Variants in TM6SF1 observed in about 807,000 individuals in gnomAD.
TM6SF1 encodes transmembrane 6 superfamily member 1.
Under a neutral mutation model 47.1 loss-of-function variants are expected in TM6SF1, and 43 were observed. That is an observed-to-expected ratio of 0.91 (90% CI 0.72 to 1.18). The LOEUF (loss-of-function observed/expected upper bound fraction) is 1.18. Ranked by LOEUF, TM6SF1 falls within the 50% of genes most tolerant of loss-of-function variation. The pLI is 0.00. For missense variants in TM6SF1, 390 were observed against 449.0 expected, an observed-to-expected ratio of 0.87 and a Z score of 1.19; for synonymous variants, 177 against 166.3, an observed-to-expected ratio of 1.06 and a Z score of -0.49.
At chr15:83,131,653 T>A (rs554771098) in intron 9 of TM6SF1, 1 of 150,584 alleles carries the variant, frequency 6.6e-6, no homozygotes, top group African/African-American at 2.4e-5. Flanking sequence ...GAAAAAAGAG[T>A]GAGTAGTTAT....
rs777732938 is a variant in TM6SF1, at chr15:83,127,369, T to C, written c.813T>C (p.Tyr271=). 6.2e-7 allele frequency: 1 copy of C among 1,612,410 alleles called. No individual in the cohort carries two copies. Among genetic ancestry groups the C allele is most frequent in the Non-Finnish European group, 8.5e-7 (1 of 1,179,342 alleles). The change falls in exon 9 of 10, where the codon TAT becomes TAC. Residue 271 remains tyrosine (Y), a synonymous_variant. Coordinates refer to ENST00000322019, the MANE Select transcript of TM6SF1 (RefSeq NM_023003.5). ...TCTGTTCAATACAGATGCTGGCATATATGTTCTATTCTGTTCCTTACTTTG... is the reference window on the plus strand; with the variant it reads ...TCTGTTCAATACAGATGCTGGCATACATGTTCTATTCTGTTCCTTACTTTG... ...AAYPKIQMLA[Y]MFYSVPYFVT...
intron 9 of TM6SF1, chr15:83,128,573 A>G (rs1040865311): frequency 2.0e-5 from 3 of 152,206 alleles, no homozygotes; most frequent in African/African-American, 7.2e-5. Flanking sequence ...CTATAAGCTG[A>G]TAACTTCCAG....
In TM6SF1 at chr15:83,116,802, G is replaced by A. The variant is rs79662836; in HGVS notation, c.294+860G>A. On this transcript the variant is annotated intron_variant, in intron 3 of 9. Transcript: ENST00000322019. ...AGTGGCTGGAATGAATAAGACTTGG[G>A]GACAAATTGGGAGTGATGGGAAGGA... 4.6e-5 allele frequency among the ~76,000 whole-genome samples: 7 copies of A among 152,294 alleles called. No individual in the cohort carries two copies. The East Asian group carries it at 1.4e-3, about 29-fold the overall frequency.
chr15:83,112,684 A>G, intron 1 of TM6SF1, 113 bp from the exon 2 acceptor site: 1 of 792,156 alleles, frequency 1.3e-6, no homozygotes, highest in Non-Finnish European at 2.2e-6. Context: ...GCAGAGGCAG[A>G]ATTATGGATG....
intron 3 of TM6SF1, among the ~76,000 whole-genome samples, chr15:83,118,839 A>C (rs1388065874): frequency 6.6e-6 from 1 of 152,222 alleles, no homozygotes; most frequent in Non-Finnish European, 1.5e-5. Context: ...GCCACCTGGA[A>C]ATGTAACCAC....
Position 83,136,534 on chromosome 15 carries a change from C to G in TM6SF1, c.975C>G (p.Tyr325Ter). The G allele has an allele frequency of 6.2e-7, 1 of 1,613,342 alleles. No homozygotes were observed. Among genetic ancestry groups the G allele is most frequent in the Non-Finnish European group, 8.5e-7 (1 of 1,179,774 alleles). Reference protein sequence around the residue: ...ASLHARTAYVYRVPEEAKILF... With the variant: ...ASLHARTAYV ...TTCATGCTAGAACTGCTTATGTCTA[C>G]AGAGTCCCTGAAGAAGCAAAAATCC... Residue 325 changes from tyrosine (Y) to a stop codon, truncating the protein, a stop_gained, in exon 10 of 10, where the codon TAC (tyrosine) becomes TAG (stop). Transcript: ENST00000322019. LOFTEE classifies it high-confidence loss of function.
intron 2 of TM6SF1, 199 bp downstream of exon 2, chr15:83,113,099 T>G (rs1436287172): frequency 5.1e-6 from 3 of 591,608 alleles, no homozygotes; most frequent in Non-Finnish European, 9.0e-6. Context: ...CTCTCCCAGG[T>G]GGCATCCCGG....
At position 83,136,817 on chromosome 15, in the gene TM6SF1, G is replaced by A; in HGVS notation, c.*145G>A. 2 of 546,896 alleles carry A rather than the reference G, an allele frequency of 3.7e-6. No individual in the cohort carries two copies. Among genetic ancestry groups the A allele is most frequent in the Non-Finnish European group, 5.8e-6 (2 of 344,212 alleles). The allele number at this position is 546,896 out of a possible 1,614,324, so 33.9% of individuals were successfully genotyped here. ...TCTGCACTGTATGTGTGAGCTATAT[G>A]GTATTGTGTAAATTTTTTTTGAAGG... On this transcript the variant is annotated 3_prime_UTR_variant, in exon 10 of 10. Transcript: ENST00000322019.
At chr15:83,116,023 T>C in intron 3 of TM6SF1, 81 bp downstream of exon 3, 1 of 1,110,224 alleles carries the variant, frequency 9.0e-7, no homozygotes, top group Non-Finnish European at 1.4e-6. Flanking sequence ...AGAAATCCTC[T>C]CATTTAGTGT....
intron 9 of TM6SF1, 33 bp from the exon 10 acceptor site, chr15:83,136,448 G>A: frequency 5.2e-6 from 8 of 1,539,376 alleles, no homozygotes; most frequent in Non-Finnish European, 7.0e-6. Flanking sequence ...CACGTTTCAT[G>A]CTTACTCAAT....
Position 83,136,800 on chromosome 15 carries a change from GTA to G in TM6SF1, c.*130_*131del. 1 of 738,104 alleles carries G rather than the reference GTA, an allele frequency of 1.4e-6. No homozygotes were observed. The highest frequency in any genetic ancestry group is 2.4e-5 in the South Asian group (1 of 41,512). The allele number at this position is 738,104 out of a possible 1,614,324, so 45.7% of individuals were successfully genotyped here. A position where few individuals can be genotyped will look rare whatever the true frequency, so the allele number is the denominator to read the frequency against. On this transcript the variant is annotated 3_prime_UTR_variant, in exon 10 of 10. Transcript: ENST00000322019. ...AATATGTACATTCTTGCTCTGCACTGTATGTGTGAGCTATATGGTATTGTGTA... is the reference window on the plus strand; with the variant it reads ...AATATGTACATTCTTGCTCTGCACTGTGTGTGAGCTATATGGTATTGTGTA...
intron 9 of TM6SF1, chr15:83,134,062 C>A (rs781338926): frequency 1.3e-5 from 2 of 152,112 alleles, no homozygotes; most frequent in Non-Finnish European, 2.9e-5. Context: ...AAAATACATA[C>A]AAAACTAGAG....
rs2036654077 is a variant in TM6SF1, at chr15:83,136,956, TA to T, written c.*290del. The T allele has an allele frequency of 4.5e-6, 1 of 223,296 alleles. No individual in the cohort carries two copies. The highest frequency in any genetic ancestry group is 8.8e-6 in the Non-Finnish European group (1 of 113,472). The allele number at this position is 223,296 out of a possible 1,614,324, so 13.8% of individuals were successfully genotyped here. On this transcript the variant is annotated 3_prime_UTR_variant, in exon 10 of 10. Coordinates refer to ENST00000322019, the MANE Select transcript of TM6SF1 (RefSeq NM_023003.5). ...TTGACATATAAAATAATTATAAGTG[TA>T]AAAAATTACAATTTAGTGCCAACAG...
intron 3 of TM6SF1, among the ~76,000 whole-genome samples, chr15:83,118,979 T>C (rs1596487024): frequency 6.6e-6 from 1 of 152,176 alleles, no homozygotes. Flanking sequence ...AGTCTTGTAA[T>C]CTCAGAGCAT....
intron 9 of TM6SF1, chr15:83,136,269 A>G (rs1039247267): frequency 1.2e-5 from 5 of 417,662 alleles, no homozygotes; most frequent in Non-Finnish European, 2.1e-5. Context: ...TTGAACAGTC[A>G]TATCAAGAAT....
chr15:83,132,968 C>G (rs538026192), intron 9 of TM6SF1: 2 of 152,202 alleles, frequency 1.3e-5, no homozygotes, highest in Non-Finnish European at 2.9e-5. Context: ...TTTCTACAGT[C>G]GAGCACCAGA....
intron 4 of TM6SF1, chr15:83,120,004 C>T (rs551290671): frequency 2.0e-5 from 5 of 247,416 alleles, no homozygotes; most frequent in Admixed American, 2.0e-4. Context: ...TCAAAATTTC[C>T]AAACAGCAAT....
intron 3 of TM6SF1, 41 bp from the exon 4 acceptor site, chr15:83,119,537 G>T (rs745400534): frequency 5.6e-6 from 9 of 1,602,452 alleles, no homozygotes; most frequent in Non-Finnish European, 6.0e-6. Context: ...TGCATTTACA[G>T]GTCTTATTTA....
In TM6SF1 at chr15:83,107,781, G is replaced by C; in HGVS notation, c.92+9G>C. On this transcript the variant is annotated intron_variant, in intron 1 of 9. Transcript: ENST00000322019. The surrounding 1 kb of genome is among the most constrained non-coding windows in gnomAD (Gnocchi z 5.6). The stretch of plus-strand genomic sequence containing the variant: ...CTGGCGGCCCAGCATGAGTGAGTGA[G>C]CCGGCGCGGCGGGGGTCGCGCCGAG... The C allele has an allele frequency of 6.3e-7, 1 of 1,575,412 alleles. No individual in the cohort carries two copies. Among genetic ancestry groups the C allele is most frequent in the Non-Finnish European group, 8.6e-7 (1 of 1,162,702 alleles).
Sources: gnomAD v4.1 joint callset for allele counts (sites outside exome capture counted in the v4.1 genomes callset) on GRCh38, gnomAD v4.1.1 for gene constraint, Gnocchi (gnomAD v3.1) non-coding constraint, MANE v1.5 for transcripts, NCBI Gene and HGNC (gene_info 2026-07-23, HGNC 2026-07-21) for gene names.